Variants in CROCC observed in about 807,000 individuals in gnomAD.
CROCC encodes rootletin.
CROCC carries 180 observed loss-of-function variants against 245.2 expected under a neutral mutation model. That is an observed-to-expected ratio of 0.73 (90% confidence interval 0.65 to 0.83). The LOEUF (loss-of-function observed/expected upper bound fraction) is 0.83, where lower values mean the gene tolerates loss of function less well. Ranked by LOEUF, CROCC falls within the 40% of genes least tolerant of loss-of-function variation. The pLI is 0.00. For missense variants in CROCC, 2,688 were observed against 2,779.4 expected (o/e 0.97, Z 0.74); for synonymous variants, 1,205 against 1,241.6 (o/e 0.97, Z 0.62).
chr1:16,950,616 C>T (rs761119191), intron 19 of CROCC, among the ~76,000 whole-genome samples: 1 of 152,248 alleles, frequency 6.6e-6, no homozygotes, highest in Non-Finnish European at 1.5e-5. Context: ...CCCCAGCTTC[C>T]CAAAGTGCTG....
chr1:16,919,287 G>A (rs1355511171), upstream of CROCC, among the ~76,000 whole-genome samples: 25 of 152,406 alleles, frequency 1.6e-4, no homozygotes, highest in Admixed American at 1.4e-3. Context: ...GAGGCTGCTG[G>A]TCTAAGTGGA....
At chr1:16,939,211 G>GGGGGGT in intron 12 of CROCC, 69 bp downstream of exon 12, 3 of 1,246,996 alleles carry the variant, frequency 2.4e-6, no homozygotes, top group Non-Finnish European at 2.1e-6. Flanking sequence ...CCTCCGGGTG[G>GGGGGGT]GGGCGGGGGC....
rs1483543595 is a variant in CROCC at position 16,924,430 on chromosome 1, G to A, written c.302G>A (p.Arg101His). The change falls in exon 3 of 37, where the codon CGT (arginine) becomes CAT (histidine). Residue 101 changes from arginine to histidine, a missense_variant. This residue lies in a region of CROCC where 972 missense variants were observed against 895.3 expected (regional missense o/e 1.09). Transcript: ENST00000375541. ...SRVEDLLAQS[R>H]AERDELAIKY... ...GTGGAGGACCTGCTGGCCCAGAGCC[G>A]TGCCGAGCGCGATGAGCTCGCCATT... 1.5e-5 allele frequency: 25 copies of A among 1,613,252 alleles called. No individual in the cohort carries two copies. The highest frequency in any genetic ancestry group is 2.7e-5 in the African/African-American group (2 of 74,962).
intron 25 of CROCC, among the ~76,000 whole-genome samples, chr1:16,957,733 C>T (rs748114845): frequency 4.1e-4 from 62 of 152,228 alleles, no homozygotes; most frequent in Middle Eastern, 3.4e-3. Flanking sequence ...GCATGAGCCA[C>T]GATGCCTGGC....
At chr1:16,930,814 T>G (rs2075659101) in intron 7 of CROCC, among the ~76,000 whole-genome samples, 1 of 152,294 alleles carries the variant, frequency 6.6e-6, no homozygotes, top group Non-Finnish European at 1.5e-5. Context: ...TAACTGCATG[T>G]GGTAGGTGCT....
At chr1:16,922,859 C>T (rs2075440856) in intron 2 of CROCC, 61 bp downstream of exon 2, 13 of 1,572,392 alleles carry the variant, frequency 8.3e-6, no homozygotes, top group Admixed American at 1.8e-5. Context: ...TTCTCATGTC[C>T]CTTTCCTGAG....
At chr1:16,919,934 C>G (rs1285199259), upstream of CROCC, among the ~76,000 whole-genome samples, 3 of 152,270 alleles carry the variant, frequency 2.0e-5, no homozygotes, top group African/African-American at 7.2e-5. Context: ...CCCTGTCACC[C>G]AGGCTGGAGT....
In CROCC at chr1:16,954,635, T is replaced by G. The variant is rs2076218144; in HGVS notation, c.3322-99T>G. On this transcript the variant is annotated intron_variant, in intron 22 of 36. Coordinates refer to ENST00000375541, the MANE Select transcript of CROCC (RefSeq NM_014675.5). The surrounding 1 kb of genome is among the most constrained non-coding windows in gnomAD (Gnocchi z 4.4). ...TCCGGCAGGCCAGCGGGAGGGGCCG[T>G]GTTTAGAGCTAAAAGTGGACAGTGC... 4.2e-6 allele frequency: 6 copies of G among 1,418,692 alleles called. No individual in the cohort carries two copies. Among genetic ancestry groups the G allele is most frequent in the Non-Finnish European group, 4.7e-6 (5 of 1,066,348 alleles). 87.9% of individuals were successfully genotyped at this position (1,418,692 alleles called of 1,614,324 possible).
intron 27 of CROCC, among the ~76,000 whole-genome samples, chr1:16,962,994 C>T (rs566882234): frequency 3.5e-4 from 52 of 150,154 alleles, no homozygotes; most frequent in African/African-American, 1.2e-3. Context: ...CCAGCCTAGC[C>T]AACATGGTGA....
At chr1:16,927,998 C>G (rs1271726682) in intron 3 of CROCC, among the ~76,000 whole-genome samples, 1 of 152,294 alleles carries the variant, frequency 6.6e-6, no homozygotes, top group African/African-American at 2.4e-5. Context: ...TAGAACATCT[C>G]TCAGCATATG....
chr1:16,918,744 GT>G (rs377647617), upstream of CROCC, among the ~76,000 whole-genome samples: 2 of 144,042 alleles, frequency 1.4e-5, no homozygotes, highest in African/African-American at 2.6e-5. Context: ...TTTTGTTTTT[GT>G]TTTTTTTTTG....
intron 3 of CROCC, among the ~76,000 whole-genome samples, chr1:16,926,381 A>T (rs138919896): frequency 8.1e-4 from 124 of 152,358 alleles, no homozygotes; most frequent in Non-Finnish European, 1.6e-3. Flanking sequence ...CCCTTGGTCC[A>T]GGGCTCTGCA....
In CROCC at chr1:16,945,465, T is replaced by C; in HGVS notation, c.1995T>C (p.His665=). The C allele has an allele frequency of 1.2e-6, 2 of 1,609,750 alleles. No individual in the cohort carries two copies. Among genetic ancestry groups the C allele is most frequent in the Middle Eastern group, 2.3e-4 (1 of 4,436 alleles). The change falls in exon 15 of 37, where the codon CAT becomes CAC. Residue 665 remains histidine, a synonymous_variant. Transcript: ENST00000375541. ...ARVRRELERS[H]RQLEQLEGKR... is the part of the protein sequence containing the mutation. ...CCACCCACCCTTTGTCCCACAGCCA[T>C]AGACAACTAGAGCAGCTGGAAGGGA...
intron 11 of CROCC, 129 bp from the exon 12 acceptor site, chr1:16,938,780 A>G: frequency 1.0e-6 from 1 of 957,146 alleles, no homozygotes; most frequent in Admixed American, 2.7e-5. Flanking sequence ...AGGTGAAATC[A>G]GGAAGGCTTC....
At chr1:16,927,620 C>T (rs1337178302) in intron 3 of CROCC, among the ~76,000 whole-genome samples, 2 of 152,286 alleles carry the variant, frequency 1.3e-5, no homozygotes, top group East Asian at 3.8e-4. Context: ...AGCACCCACA[C>T]ACTACACACA....
In CROCC at chr1:16,972,623, T is replaced by A; in HGVS notation, c.*177T>A. The A allele has an allele frequency of 1.9e-6, 1 of 538,132 alleles. No individual in the cohort carries two copies. Among genetic ancestry groups the A allele is most frequent in the Non-Finnish European group, 3.3e-6 (1 of 303,162 alleles). 33.3% of individuals were successfully genotyped at this position (538,132 alleles called of 1,614,324 possible). A position where few individuals can be genotyped will look rare whatever the true frequency, so the allele number is the denominator to read the frequency against. On this transcript the variant is annotated 3_prime_UTR_variant, in exon 37 of 37. Coordinates refer to ENST00000375541, the MANE Select transcript of CROCC (RefSeq NM_014675.5). Reference sequence around the variant, plus strand: ...CTCCAGCTCCAGGCCTGGAGAGGCTTCCCAGCAACACCTGCAGTCCAGCCC... The same window carrying A: ...CTCCAGCTCCAGGCCTGGAGAGGCTACCCAGCAACACCTGCAGTCCAGCCC...
chr1:16,928,544 C>T (rs1240131048), intron 3 of CROCC, among the ~76,000 whole-genome samples: 1 of 152,092 alleles, frequency 6.6e-6, no homozygotes, highest in Non-Finnish European at 1.5e-5. Flanking sequence ...TGGCTCACAC[C>T]TGTAATCCCA....
At chr1:16,944,641 C>T (rs1273560260) in intron 14 of CROCC, among the ~76,000 whole-genome samples, 5 of 152,284 alleles carry the variant, frequency 3.3e-5, no homozygotes, top group Non-Finnish European at 5.9e-5. Flanking sequence ...TCAGTTCTCT[C>T]ATTTAACTCC....
intron 26 of CROCC, 30 bp from the exon 27 acceptor site, chr1:16,960,728 G>C: frequency 2.7e-6 from 4 of 1,475,400 alleles, no homozygotes; most frequent in Non-Finnish European, 3.6e-6. Context: ...GAGAGGTCTT[G>C]CCGACCTCCA....
Sources: allele counts gnomAD v4.1 joint callset (sites outside exome capture counted in the v4.1 genomes callset), GRCh38; gene constraint gnomAD v4.1.1; regional missense constraint gnomAD v4.1.1; non-coding constraint Gnocchi (gnomAD v3.1); transcripts MANE v1.5; gene names NCBI Gene and HGNC (gene_info 2026-07-23, HGNC 2026-07-21).